SLC9A9: variants seen among roughly 807,000 people sequenced by gnomAD.
SLC9A9 encodes solute carrier family 9 member A9, also known as sodium/hydrogen exchanger 9.
A neutral mutation model predicts 77.8 loss-of-function variants in SLC9A9; 62 were observed. The ratio of observed to expected loss-of-function variants is 0.80; its 90% CI spans 0.65 to 0.98. The LOEUF (loss-of-function observed/expected upper bound fraction) is 0.98. SLC9A9 is among the 50% of genes least tolerant of loss of function. The probability of loss-of-function intolerance (pLI) is 0.00; values close to 1 mark genes in which losing one functional copy is unlikely to be tolerated. For synonymous variants in SLC9A9, 320 were observed against 283.5 expected, an observed-to-expected ratio of 1.13 and a Z score of -1.29; for missense variants, 775 against 774.9, an observed-to-expected ratio of 1.00 and a Z score of 0.00.
At chr3:143,500,165 T>C (rs1234116460) in intron 9 of SLC9A9, among the ~76,000 whole-genome samples, 1 of 152,176 alleles carries the variant, frequency 6.6e-6, no homozygotes, top group Non-Finnish European at 1.5e-5. Context: ...TTAATAAATA[T>C]GGGCTTAGTC....
At chr3:143,633,259 T>A (rs1420952467) in intron 6 of SLC9A9, among the ~76,000 whole-genome samples, 4 of 152,210 alleles carry the variant, frequency 2.6e-5, no homozygotes, top group African/African-American at 9.6e-5. Flanking sequence ...CATTTATTTC[T>A]TAAATCATTT....
At chr3:143,734,266 T>C (rs1934883171) in intron 4 of SLC9A9, among the ~76,000 whole-genome samples, 1 of 152,178 alleles carries the variant, frequency 6.6e-6, no homozygotes, top group Non-Finnish European at 1.5e-5. Context: ...TTTTTGGTTT[T>C]GCCCCCAGGC....
chr3:143,692,044 G>T (rs1288625613), intron 5 of SLC9A9, among the ~76,000 whole-genome samples: 2 of 152,038 alleles, frequency 1.3e-5, no homozygotes, highest in African/African-American at 2.4e-5. Flanking sequence ...TACCAAAAAA[G>T]TTGAACCTGA....
chr3:143,733,799 GC>G (rs1052437708), intron 4 of SLC9A9, among the ~76,000 whole-genome samples: 1 of 152,034 alleles, frequency 6.6e-6, no homozygotes, highest in Non-Finnish European at 1.5e-5. Flanking sequence ...GAGAGCACAT[GC>G]CCCCACTTTC....
At chr3:143,724,148 G>A (rs1396821811) in intron 4 of SLC9A9, among the ~76,000 whole-genome samples, 2 of 152,120 alleles carry the variant, frequency 1.3e-5, no homozygotes, top group African/African-American at 4.8e-5. Context: ...CCAATGTTGG[G>A]GAAGGTGATT....
At chr3:143,752,097 A>T (rs2006743543) in intron 4 of SLC9A9, among the ~76,000 whole-genome samples, 1 of 152,216 alleles carries the variant, frequency 6.6e-6, no homozygotes, top group Non-Finnish European at 1.5e-5. Context: ...CTTCAAAGTG[A>T]TGTTGAGAGA....
At chr3:143,300,724 ACAGGGTGAGGCCTGAGCAT>A (rs2030483496) in intron 14 of SLC9A9, among the ~76,000 whole-genome samples, 1 of 152,240 alleles carries the variant, frequency 6.6e-6, no homozygotes, top group East Asian at 1.9e-4. Context: ...CTGATTTGGT[ACAGGGTGAGGCCTGAGCAT>A]CAGGTTTTTT....
At position 143,265,616 on chromosome 3, in the gene SLC9A9, A is replaced by G. The variant is rs940133521; in HGVS notation, c.*1086T>C. The G allele has an allele frequency of 2.8e-6, 1 of 351,550 alleles. No individual in the cohort carries two copies. Among genetic ancestry groups the G allele is most frequent in the Non-Finnish European group, 5.1e-6 (1 of 196,662 alleles). The allele number at this position is 351,550 out of a possible 1,614,324, so 21.8% of individuals were successfully genotyped here. A position where few individuals can be genotyped will look rare whatever the true frequency, so the allele number is the denominator to read the frequency against. On this transcript the variant is annotated 3_prime_UTR_variant, in exon 16 of 16. Transcript: ENST00000316549. ...GGCTTGAGGTATCTTTATGGCTTAAAAGGCACAGGTCATGCAGCTGAATTA... is the reference window on the plus strand; with the variant it reads ...GGCTTGAGGTATCTTTATGGCTTAAGAGGCACAGGTCATGCAGCTGAATTA...
At chr3:143,519,645 A>C (rs1338138080) in intron 9 of SLC9A9, among the ~76,000 whole-genome samples, 1 of 152,122 alleles carries the variant, frequency 6.6e-6, no homozygotes, top group Non-Finnish European at 1.5e-5. Context: ...GTCAGGGCTG[A>C]AGTAGAAAGC....
At chr3:143,449,037 A>T (rs188122935) in intron 12 of SLC9A9, among the ~76,000 whole-genome samples, 1 of 20,666 alleles carries the variant, frequency 4.8e-5, no homozygotes, top group Non-Finnish European at 6.2e-5. Context: ...ATAATTATAT[A>T]AAATATAATT....
chr3:143,326,971 T>C (rs1196328839), intron 14 of SLC9A9, among the ~76,000 whole-genome samples: 1 of 152,226 alleles, frequency 6.6e-6, no homozygotes, highest in Non-Finnish European at 1.5e-5. Flanking sequence ...TCAGCGGTAA[T>C]GATCTCCTTT....
chr3:143,795,990 T>C (rs928418406), intron 3 of SLC9A9, among the ~76,000 whole-genome samples: 1 of 152,166 alleles, frequency 6.6e-6, no homozygotes, highest in Non-Finnish European at 1.5e-5. Flanking sequence ...ACAAGCTGCC[T>C]GGCTGCTGAA....
intron 14 of SLC9A9, among the ~76,000 whole-genome samples, chr3:143,283,771 C>T (rs1025960116): frequency 6.6e-6 from 1 of 152,142 alleles, no homozygotes; most frequent in Non-Finnish European, 1.5e-5. Flanking sequence ...AACGGAAAGT[C>T]CTGCCCATAT....
chr3:143,323,223 T>C (rs1012752169), intron 14 of SLC9A9, among the ~76,000 whole-genome samples: 3 of 152,194 alleles, frequency 2.0e-5, no homozygotes, highest in Admixed American at 2.0e-4. Flanking sequence ...ATCCCACTAC[T>C]GGGAATCTAC....
At chr3:143,356,154 A>G (rs2032578685) in intron 14 of SLC9A9, among the ~76,000 whole-genome samples, 1 of 152,218 alleles carries the variant, frequency 6.6e-6, no homozygotes, top group African/African-American at 2.4e-5. Flanking sequence ...TCATACGTGT[A>G]GTCACTTGTC....
rs377331588 is a variant in SLC9A9, at chr3:143,631,227, T to C, written c.755+21028A>G. Reference sequence around the variant, plus strand: ...GCCTTGCATAAATCCAAACAAAACTTAGTAGGGATTAAAAATAATCCCTGC... The same window carrying C: ...GCCTTGCATAAATCCAAACAAAACTCAGTAGGGATTAAAAATAATCCCTGC... On this transcript the variant is annotated intron_variant, in intron 6 of 15. Coordinates refer to ENST00000316549, the MANE Select transcript of SLC9A9 (RefSeq NM_173653.4). Among the ~76,000 whole-genome samples the C allele has an allele frequency of 1.1e-4, 17 of 152,216 alleles. 1 individual carries two copies. In the South Asian group the frequency reaches 3.5e-3, roughly 32 times the overall value.
At chr3:143,532,642 T>C (rs899263112) in intron 9 of SLC9A9, among the ~76,000 whole-genome samples, 6 of 152,190 alleles carry the variant, frequency 3.9e-5, no homozygotes, top group Non-Finnish European at 8.8e-5. Context: ...GTTCAGAACT[T>C]GCTCAGAGAC....
intron 12 of SLC9A9, among the ~76,000 whole-genome samples, chr3:143,416,342 C>G (rs1328028096): frequency 6.6e-6 from 1 of 152,124 alleles, no homozygotes; most frequent in African/African-American, 2.4e-5. Flanking sequence ...TCAAGCAGCA[C>G]TGCACGCTAC....
intron 12 of SLC9A9, among the ~76,000 whole-genome samples, chr3:143,398,998 CACACACACAT>C (rs536734866): frequency 2.1e-4 from 24 of 115,396 alleles, no homozygotes; most frequent in Non-Finnish European, 2.3e-4. Flanking sequence ...GTTGTATACA[CACACACACAT>C]ACACACACAT....
Sources: gnomAD v4.1 joint callset for allele counts (sites outside exome capture counted in the v4.1 genomes callset) on GRCh38, gnomAD v4.1.1 for gene constraint, MANE v1.5 for transcripts, NCBI Gene and HGNC (gene_info 2026-07-23, HGNC 2026-07-21) for gene names.